PPP6R3: variants seen among roughly 807,000 people sequenced by gnomAD.
PPP6R3 encodes the protein protein phosphatase 6 regulatory subunit 3.
A neutral mutation model predicts 110.7 loss-of-function variants in PPP6R3; 38 were observed. The observed-to-expected ratio is 0.34, with a 90% CI of 0.26 to 0.45. PPP6R3 has a LOEUF of 0.45. PPP6R3 is among the 20% of genes least tolerant of loss of function. PPP6R3 has a pLI of 1.00. For missense variants in PPP6R3, 870 were observed against 1,062.4 expected (o/e 0.82, Z 2.52); for synonymous variants, 369 against 373.5 (o/e 0.99, Z 0.14).
intron 16 of PPP6R3, among the ~76,000 whole-genome samples, chr11:68,589,496 G>A (rs1423399587): frequency 6.6e-6 from 1 of 152,122 alleles, no homozygotes; most frequent in South Asian, 2.1e-4. Context: ...ATGAAAACAG[G>A]TGGTCTAGCA....
At chr11:68,541,357 A>G (rs368340791) in intron 3 of PPP6R3, among the ~76,000 whole-genome samples, 2 of 152,142 alleles carry the variant, frequency 1.3e-5, no homozygotes, top group East Asian at 1.9e-4. Context: ...GCAGAGAAAA[A>G]CAAGATCTTA....
At chr11:68,522,614 G>A (rs1388582043) in intron 2 of PPP6R3, 1 of 152,222 alleles carries the variant, frequency 6.6e-6, no homozygotes, top group Non-Finnish European at 1.5e-5. Context: ...TTTACTGTTG[G>A]TGCTACTGGT....
Position 68,554,107 on chromosome 11 carries a change from A to G in PPP6R3, c.619-38A>G, listed in dbSNP as rs770166686. 7.8e-6 allele frequency: 11 copies of G among 1,412,830 alleles called. No homozygotes were observed. The South Asian group carries it at 1.4e-4, about 18-fold the overall frequency. 87.5% of individuals were successfully genotyped at this position (1,412,830 alleles called of 1,614,324 possible). ...TTTTAAATTATAAATTTAACTTCTA[A>G]CATGTTTTATGGTTAAAATTGTACT... On this transcript the variant is annotated intron_variant, in intron 6 of 23. Coordinates refer to ENST00000393800, the MANE Select transcript of PPP6R3 (RefSeq NM_001164161.2).
At chr11:68,569,064 A>G (rs2099491624) in intron 10 of PPP6R3, among the ~76,000 whole-genome samples, 1 of 152,144 alleles carries the variant, frequency 6.6e-6, no homozygotes, top group South Asian at 2.1e-4. Flanking sequence ...CTGGCCTCTT[A>G]TAAATTTTTT....
chr11:68,603,252 GT>G (rs1275230234), intron 21 of PPP6R3, 89 bp from the exon 22 acceptor site: 1 of 1,499,976 alleles, frequency 6.7e-7, no homozygotes, highest in Non-Finnish European at 9.0e-7. Context: ...AGCAGTAGAT[GT>G]CACGTTGGGT....
intron 1 of PPP6R3, among the ~76,000 whole-genome samples, chr11:68,491,089 AG>A (rs1291060454): frequency 6.6e-6 from 1 of 151,960 alleles, no homozygotes; most frequent in Non-Finnish European, 1.5e-5. Flanking sequence ...TTTGGGGCTG[AG>A]GCAGGAGGAT....
At position 68,477,355 on chromosome 11, in the gene PPP6R3, TGAG is replaced by T. The variant is rs1481432901; in HGVS notation, c.-158+16532_-158+16534del. On this transcript the variant is annotated intron_variant, in intron 1 of 23. Coordinates refer to ENST00000393800, the MANE Select transcript of PPP6R3 (RefSeq NM_001164161.2). Reference sequence around the variant, plus strand: ...ATTGGGACATAACCCCATTGTAAGTTGAGGAGCATCTGGACTTCATGATGGCTC... The same window carrying T: ...ATTGGGACATAACCCCATTGTAAGTTGAGCATCTGGACTTCATGATGGCTC... Among the ~76,000 whole-genome samples the T allele has an allele frequency of 1.6e-4, 24 of 152,218 alleles. 1 individual carries two copies. Among genetic ancestry groups the T allele is most frequent in the African/African-American group, 5.8e-4 (24 of 41,538 alleles).
chr11:68,477,739 A>ATATATATAT (rs768026020), intron 1 of PPP6R3, among the ~76,000 whole-genome samples: 22 of 80,386 alleles, frequency 2.7e-4, no homozygotes, highest in East Asian at 7.0e-4. Flanking sequence ...AAAAAAAAAA[A>ATATATATAT]AAATATATAT....
At chr11:68,530,720 G>C (rs2099234055) in intron 2 of PPP6R3, among the ~76,000 whole-genome samples, 1 of 152,194 alleles carries the variant, frequency 6.6e-6, no homozygotes, top group Non-Finnish European at 1.5e-5. Context: ...TGTCTTGAAA[G>C]CCATCATAAT....
chr11:68,600,283 T>C (rs2099627802), intron 19 of PPP6R3, 58 bp from the exon 20 acceptor site: 1 of 1,537,954 alleles, frequency 6.5e-7, no homozygotes, highest in Admixed American at 1.7e-5. Flanking sequence ...GATAAATACC[T>C]TGTGGTACAT....
intron 22 of PPP6R3, 113 bp downstream of exon 22, chr11:68,603,605 C>T (rs2099638435): frequency 3.1e-6 from 4 of 1,294,102 alleles, no homozygotes; most frequent in Non-Finnish European, 4.3e-6. Context: ...CAGATACTAG[C>T]TTGATGTCTT....
intron 1 of PPP6R3, among the ~76,000 whole-genome samples, chr11:68,509,716 A>T (rs1040134061): frequency 4.0e-5 from 6 of 149,648 alleles, no homozygotes; most frequent in African/African-American, 1.5e-4. Flanking sequence ...AGTAGCTGGG[A>T]CTAGACATAA....
intron 22 of PPP6R3, among the ~76,000 whole-genome samples, chr11:68,605,555 AAG>A (rs1939166605): frequency 6.6e-6 from 1 of 152,226 alleles, no homozygotes. Flanking sequence ...AAGACAACAA[AAG>A]AGAGTATCTT....
At chr11:68,551,004 A>G (rs2099370115) in intron 5 of PPP6R3, 117 bp from the exon 6 acceptor site, 5 of 732,762 alleles carry the variant, frequency 6.8e-6, no homozygotes. Context: ...CAAAGTCCAG[A>G]GAAACCTGTA....
chr11:68,543,290 C>T (rs2099329011), intron 3 of PPP6R3, among the ~76,000 whole-genome samples: 1 of 152,152 alleles, frequency 6.6e-6, no homozygotes, highest in African/African-American at 2.4e-5. Flanking sequence ...TCAGCCCACT[C>T]CTGGGATAAT....
intron 1 of PPP6R3, among the ~76,000 whole-genome samples, chr11:68,475,759 C>A (rs1354718540): frequency 8.0e-5 from 12 of 149,992 alleles, no homozygotes; most frequent in African/African-American, 2.2e-4. Flanking sequence ...GGCTGCCGGG[C>A]GGAGGGGCTC....
intron 1 of PPP6R3, among the ~76,000 whole-genome samples, chr11:68,471,208 C>T (rs796812469): frequency 1.2e-4 from 18 of 148,074 alleles, no homozygotes; most frequent in African/African-American, 3.5e-4. Flanking sequence ...GGCATGAACC[C>T]GGGAGGTGGA....
chr11:68,483,273 A>G (rs1183532606), intron 1 of PPP6R3, among the ~76,000 whole-genome samples: 3 of 152,250 alleles, frequency 2.0e-5, no homozygotes, highest in Non-Finnish European at 4.4e-5. Flanking sequence ...ATTATTTAGC[A>G]AATCTTTTAA....
In PPP6R3 at chr11:68,571,085, G is replaced by A; in HGVS notation, c.1324G>A (p.Glu442Lys). ...AATAGAACGAATACTTGAAGCCTGG[G>A]AAATGAATGAGAAGAAACAGTAAGT... ...QLIERILEAWEMNEKKQAEGG... is the reference protein window; with the variant it reads ...QLIERILEAWKMNEKKQAEGG... Residue 442 changes from glutamate (E) to lysine (K), a missense_variant, in exon 12 of 24, where the codon GAA becomes AAA. Glu to Lys is a moderately conservative substitution (Grantham distance 56, BLOSUM62 1). Coordinates refer to ENST00000393800, the MANE Select transcript of PPP6R3 (RefSeq NM_001164161.2). 1 of 1,597,124 alleles carries A rather than the reference G, an allele frequency of 6.3e-7. No homozygotes were observed. The highest frequency in any genetic ancestry group is 8.5e-7 in the Non-Finnish European group (1 of 1,175,006).
Sources: allele counts gnomAD v4.1 joint callset (sites outside exome capture counted in the v4.1 genomes callset), GRCh38; gene constraint gnomAD v4.1.1; transcripts MANE v1.5; gene names NCBI Gene and HGNC (gene_info 2026-07-23, HGNC 2026-07-21).